Variants in ACAD11 observed in about 807,000 individuals in gnomAD.
ACAD11 encodes the protein acyl-CoA dehydrogenase family member 11.
A neutral mutation model predicts 102.2 loss-of-function variants in ACAD11; 83 were observed. The ratio of observed to expected loss-of-function variants is 0.81; its 90% CI spans 0.68 to 0.97. The LOEUF (loss-of-function observed/expected upper bound fraction) is 0.97, where lower values mean the gene tolerates loss of function less well. ACAD11 is among the 50% of genes least tolerant of loss of function. The pLI is 0.00. For missense variants in ACAD11, 901 were observed against 951.7 expected (o/e 0.95, Z 0.70); for synonymous variants, 324 against 319.8 (o/e 1.01, Z -0.14).
chr3:132,585,731 C>T (rs908787147), intron 13 of ACAD11, among the ~76,000 whole-genome samples: 42 of 152,264 alleles, frequency 2.8e-4, no homozygotes, highest in African/African-American at 9.9e-4. Context: ...CCAAAAGACA[C>T]ATGAAAAAAT....
At position 132,558,244 on chromosome 3, in the gene ACAD11, C is replaced by T. The variant is rs1936939574; in HGVS notation, c.*727G>A. 6.6e-6 allele frequency: 1 copy of T among 152,220 alleles called. No individual in the cohort carries two copies. Among genetic ancestry groups the T allele is most frequent in the South Asian group, 2.1e-4 (1 of 4,822 alleles). The allele number at this position is 152,220 out of a possible 1,614,324, so 9.4% of individuals were successfully genotyped here. On this transcript the variant is annotated 3_prime_UTR_variant, in exon 20 of 20. Coordinates refer to ENST00000264990, the MANE Select transcript of ACAD11 (RefSeq NM_032169.5). ...GATTTATCCACTTCAAATAAGGATACCTTTTATAAAGTACTTTCTTGTGGT... is the reference window on the plus strand; with the variant it reads ...GATTTATCCACTTCAAATAAGGATATCTTTTATAAAGTACTTTCTTGTGGT...
intron 9 of ACAD11, 23 bp from the exon 10 acceptor site, chr3:132,619,568 A>C: frequency 7.3e-7 from 1 of 1,367,188 alleles, no homozygotes; most frequent in Non-Finnish European, 1.0e-6. Flanking sequence ...AAAGAAAAAA[A>C]TTTCACTAGC....
intron 5 of ACAD11, among the ~76,000 whole-genome samples, chr3:132,633,402 C>G (rs1940132154): frequency 6.6e-6 from 1 of 152,148 alleles, no homozygotes; most frequent in South Asian, 2.1e-4. Flanking sequence ...GTTGAACCAG[C>G]CTTGCATCCC....
intron 13 of ACAD11, chr3:132,597,249 C>T (rs1478530487): frequency 1.3e-5 from 2 of 152,048 alleles, no homozygotes; most frequent in Non-Finnish European, 2.9e-5. Context: ...AAAGTGAAAA[C>T]AAAAGTAGCT....
chr3:132,610,113 A>G (rs563856702), intron 11 of ACAD11, among the ~76,000 whole-genome samples: 1 of 152,340 alleles, frequency 6.6e-6, no homozygotes, highest in Admixed American at 6.5e-5. Flanking sequence ...CTCGGTATTG[A>G]TAGAACGTAT....
At chr3:132,628,059 A>T (rs1329834457) in intron 8 of ACAD11, among the ~76,000 whole-genome samples, 1 of 152,256 alleles carries the variant, frequency 6.6e-6, no homozygotes, top group Non-Finnish European at 1.5e-5. Context: ...AAGTGACTTA[A>T]ATATTAGAAA....
At chr3:132,641,487 T>C (rs1453672570) in intron 4 of ACAD11, among the ~76,000 whole-genome samples, 1 of 151,570 alleles carries the variant, frequency 6.6e-6, no homozygotes, top group Non-Finnish European at 1.5e-5. Context: ...GAGCTTGCAG[T>C]GAGCAGAGAT....
chr3:132,578,871 G>A lies in ACAD11; in HGVS notation c.1699C>T (p.His567Tyr), dbSNP rs1234249207. The A allele has an allele frequency of 6.2e-7, 1 of 1,612,310 alleles. No individual in the cohort carries two copies. Among genetic ancestry groups the A allele is most frequent in the Non-Finnish European group, 8.5e-7 (1 of 1,179,020 alleles). Residue 567 changes from histidine (H) to tyrosine (Y), a missense_variant, in exon 15 of 20, where the codon CAC (histidine) becomes TAC (tyrosine). Coordinates refer to ENST00000264990, the MANE Select transcript of ACAD11 (RefSeq NM_032169.5). ...QNTSLSRHKQHSMILVPMNTP... is the reference protein window; with the variant it reads ...QNTSLSRHKQYSMILVPMNTP... ...TTCATGGGAACAAGAATCATGCTGT[G>A]CTGTTTGTGTCTAGTCAAAAGAAAA...
At chr3:132,590,473 C>T (rs1938030136) in intron 13 of ACAD11, among the ~76,000 whole-genome samples, 2 of 152,114 alleles carry the variant, frequency 1.3e-5, no homozygotes, top group Non-Finnish European at 1.5e-5. Flanking sequence ...TCTCAAACTC[C>T]TCGCCTCAAG....
intron 2 of ACAD11, among the ~76,000 whole-genome samples, chr3:132,643,670 G>T (rs1940610049): frequency 6.6e-6 from 1 of 152,082 alleles, no homozygotes; most frequent in Admixed American, 6.5e-5. Context: ...GGTGAGAGCA[G>T]CCAGCAGTAC....
At position 132,599,235 on chromosome 3, in the gene ACAD11, C is replaced by T. The variant is rs572623171; in HGVS notation, c.1621+3994G>A. 5.9e-5 allele frequency among the ~76,000 whole-genome samples: 9 copies of T among 152,102 alleles called. No homozygotes were observed. The East Asian group carries it at 7.7e-4, about 13-fold the overall frequency. ...TTAAAATTTAAAAATAGGCTGGGCT[C>T]GGTGGCTCACGCCTGTAATCCCAGC... is the stretch of plus-strand genomic sequence containing the variant. On this transcript the variant is annotated intron_variant, in intron 13 of 19. Transcript: ENST00000264990.
intron 13 of ACAD11, among the ~76,000 whole-genome samples, chr3:132,587,354 A>G (rs574884184): frequency 4.6e-5 from 7 of 152,148 alleles, no homozygotes; most frequent in African/African-American, 1.4e-4. Context: ...TCTGTTGTCT[A>G]TCTTCAAGTT....
chr3:132,649,429 C>A (rs1940849392), intron 1 of ACAD11, among the ~76,000 whole-genome samples: 1 of 152,224 alleles, frequency 6.6e-6, no homozygotes, highest in Non-Finnish European at 1.5e-5. Flanking sequence ...CTTTACTCTA[C>A]TGAGATGTTT....
At chr3:132,609,173 C>A (rs959928849) in intron 11 of ACAD11, among the ~76,000 whole-genome samples, 1 of 152,086 alleles carries the variant, frequency 6.6e-6, no homozygotes, top group Non-Finnish European at 1.5e-5. Context: ...GCACTAAATG[C>A]CCACAGGAGA....
intron 5 of ACAD11, among the ~76,000 whole-genome samples, chr3:132,637,993 C>A (rs1014766911): frequency 5.9e-5 from 9 of 152,100 alleles, no homozygotes; most frequent in East Asian, 1.9e-4. Context: ...CCCCTACAAC[C>A]ACTGTTTAGG....
At chr3:132,615,734 C>A (rs528593856) in intron 11 of ACAD11, among the ~76,000 whole-genome samples, 5 of 152,014 alleles carry the variant, frequency 3.3e-5, no homozygotes, top group South Asian at 4.2e-4. Context: ...TAGATGACAG[C>A]AAACCACCAT....
intron 1 of ACAD11, among the ~76,000 whole-genome samples, chr3:132,657,848 T>C (rs1937888746): frequency 6.6e-6 from 1 of 150,878 alleles, no homozygotes; most frequent in Non-Finnish European, 1.5e-5. Flanking sequence ...ACTTTTGGTA[T>C]TAAAAAAACA....
intron 1 of ACAD11, among the ~76,000 whole-genome samples, chr3:132,651,978 G>T (rs1940946360): frequency 6.6e-6 from 1 of 152,166 alleles, no homozygotes; most frequent in Non-Finnish European, 1.5e-5. Context: ...GCTGAAATAA[G>T]ACTTTGGGGG....
At chr3:132,628,550 G>A in intron 7 of ACAD11, 104 bp from the exon 8 acceptor site, 1 of 717,716 alleles carries the variant, frequency 1.4e-6, no homozygotes, top group African/African-American at 1.8e-5. Flanking sequence ...TACTCACAGG[G>A]TATGAAGACG....
Sources: allele counts gnomAD v4.1 joint callset (sites outside exome capture counted in the v4.1 genomes callset), GRCh38; gene constraint gnomAD v4.1.1; transcripts MANE v1.5; gene names NCBI Gene and HGNC (gene_info 2026-07-23, HGNC 2026-07-21).